RIT2: variants seen among roughly 807,000 people sequenced by gnomAD.
The protein encoded by RIT2 is GTP-binding protein Rit2.
In RIT2, 24 loss-of-function variants were observed where a neutral mutation model predicts 23.7. The observed-to-expected ratio is 1.01, with a 90% confidence interval of 0.73 to 1.43. RIT2 has a LOEUF of 1.43. Among genes scored for constraint, RIT2 ranks in the 40% most tolerant of loss-of-function variants. The probability of loss-of-function intolerance (pLI) is 0.00; values close to 1 mark genes in which losing one functional copy is unlikely to be tolerated. For synonymous variants in RIT2, 107 were observed against 91.1 expected, an observed-to-expected ratio of 1.17 and a Z score of -0.99; for missense variants, 236 against 266.9, an observed-to-expected ratio of 0.88 and a Z score of 0.81.
chr18:42,940,923 A>G (rs750447024), intron 3 of RIT2, among the ~76,000 whole-genome samples: 4 of 152,190 alleles, frequency 2.6e-5, no homozygotes, highest in Admixed American at 6.6e-5. Flanking sequence ...TTGCTGGTCT[A>G]GGAATTTAAA....
chr18:42,839,726 A>G (rs2144021924), intron 4 of RIT2, among the ~76,000 whole-genome samples: 1 of 152,328 alleles, frequency 6.6e-6, no homozygotes, highest in South Asian at 2.1e-4. Flanking sequence ...TCAGAACACC[A>G]TGCAATATTT....
At chr18:42,807,604 C>A (rs1422137216) in intron 4 of RIT2, among the ~76,000 whole-genome samples, 1 of 151,884 alleles carries the variant, frequency 6.6e-6, no homozygotes, top group Non-Finnish European at 1.5e-5. Context: ...GTGGCAAGAG[C>A]GAAACTCCGT....
intron 1 of RIT2, among the ~76,000 whole-genome samples, chr18:43,106,803 C>T (rs992834365): frequency 3.3e-5 from 5 of 152,118 alleles, no homozygotes; most frequent in Non-Finnish European, 7.4e-5. Flanking sequence ...TTATAGTAGG[C>T]AGAAAGGGCA....
chr18:43,018,544 A>G (rs1052413488), intron 2 of RIT2, among the ~76,000 whole-genome samples: 22 of 152,052 alleles, frequency 1.4e-4, no homozygotes, highest in African/African-American at 5.1e-4. Flanking sequence ...CTAGGCACAT[A>G]GAAGGGAACC....
rs115130165 is a variant in RIT2 at position 43,066,328 on chromosome 18, T to C, written c.104-32461A>G. Among the ~76,000 whole-genome samples the C allele has an allele frequency of 3.7e-3, 560 of 152,236 alleles. 3 individuals carry two copies. The highest frequency in any genetic ancestry group is 0.011 in the African/African-American group (475 of 41,568). ...TCACAAAATTTACAAAGAAAATCCA[T>C]AGAAAAATTGCAAACTCTGATAGCA... On this transcript the variant is annotated intron_variant, in intron 1 of 4. Coordinates refer to ENST00000326695, the MANE Select transcript of RIT2 (RefSeq NM_002930.4).
chr18:42,993,636 T>C (rs928951212), intron 2 of RIT2, among the ~76,000 whole-genome samples: 2 of 152,080 alleles, frequency 1.3e-5, no homozygotes, highest in Non-Finnish European at 2.9e-5. Flanking sequence ...AGTTCCCTTA[T>C]CAGGCCAAGA....
At position 43,018,506 on chromosome 18, in the gene RIT2, A is replaced by G. The variant is rs1911524412; in HGVS notation, c.160+15305T>C. ...TGTATCCCCAAATCAAAACAGAGAG[A>G]ATTCATAAAACAGCAAGAGAAAAAT... On this transcript the variant is annotated intron_variant, in intron 2 of 4. Coordinates refer to ENST00000326695, the MANE Select transcript of RIT2 (RefSeq NM_002930.4). Among the ~76,000 whole-genome samples the G allele has an allele frequency of 2.0e-5, 3 of 152,038 alleles. No individual in the cohort carries two copies. In the South Asian group the frequency reaches 6.2e-4, roughly 31 times the overall value.
intron 4 of RIT2, among the ~76,000 whole-genome samples, chr18:42,890,098 G>A (rs565809393): frequency 1.9e-3 from 296 of 151,926 alleles, no homozygotes; most frequent in African/African-American, 6.7e-3. Flanking sequence ...CATCATTTCT[G>A]GCTACCACTG....
intron 1 of RIT2, among the ~76,000 whole-genome samples, chr18:43,104,301 G>T (rs1001912128): frequency 2.0e-5 from 3 of 152,248 alleles, no homozygotes; most frequent in Middle Eastern, 3.4e-3. Context: ...GATGGGGAGA[G>T]TTTGGTTAAC....
chr18:43,104,583 G>A, intron 1 of RIT2, among the ~76,000 whole-genome samples: 1 of 152,136 alleles, frequency 6.6e-6, no homozygotes, highest in African/African-American at 2.4e-5. Context: ...AAAAAAAGAT[G>A]CTGAGGTATT....
chr18:43,024,998 G>A (rs4575618), intron 2 of RIT2, among the ~76,000 whole-genome samples: 7,847 of 151,738 alleles, frequency 0.052, 415 homozygotes, highest in East Asian at 0.25. Context: ...ACTTGAGGTC[G>A]GGAGTTCAAA....
At chr18:43,008,457 A>G (rs1911274458) in intron 2 of RIT2, among the ~76,000 whole-genome samples, 1 of 151,434 alleles carries the variant, frequency 6.6e-6, no homozygotes, top group African/African-American at 2.4e-5. Flanking sequence ...AGAGAGCACA[A>G]AGAGAGCTTT....
chr18:42,839,444 G>A (rs1010994057), intron 4 of RIT2, among the ~76,000 whole-genome samples: 1 of 152,104 alleles, frequency 6.6e-6, no homozygotes, highest in Non-Finnish European at 1.5e-5. Flanking sequence ...TTATATCTTG[G>A]CCTGGGTTGA....
intron 4 of RIT2, among the ~76,000 whole-genome samples, chr18:42,893,922 G>A (rs1309954653): frequency 6.6e-6 from 1 of 152,138 alleles, no homozygotes; most frequent in Non-Finnish European, 1.5e-5. Flanking sequence ...ACACTGAAAT[G>A]TGAATGAGCA....
chr18:43,096,487 T>C (rs1213194474), intron 1 of RIT2, among the ~76,000 whole-genome samples: 1 of 151,870 alleles, frequency 6.6e-6, no homozygotes, highest in Non-Finnish European at 1.5e-5. Context: ...AATATGTATT[T>C]ATATTGCCTG....
At chr18:43,041,134 A>G (rs1307187633) in intron 1 of RIT2, among the ~76,000 whole-genome samples, 1 of 152,160 alleles carries the variant, frequency 6.6e-6, no homozygotes, top group Non-Finnish European at 1.5e-5. Flanking sequence ...AATATCTGGG[A>G]AAAGAAATAA....
At chr18:42,746,961 A>T (rs1912931560) in intron 4 of RIT2, among the ~76,000 whole-genome samples, 1 of 152,060 alleles carries the variant, frequency 6.6e-6, no homozygotes, top group Admixed American at 6.6e-5. Context: ...GAATGGGGAA[A>T]AGTTGAAAGC....
At chr18:42,915,236 GA>G (rs1908877078) in intron 4 of RIT2, among the ~76,000 whole-genome samples, 1 of 151,604 alleles carries the variant, frequency 6.6e-6, no homozygotes, top group South Asian at 2.1e-4. Context: ...GAGTGTTGAG[GA>G]AATTTTCCAC....
chr18:43,066,840 A>T (rs181019066), intron 1 of RIT2, among the ~76,000 whole-genome samples: 1 of 151,886 alleles, frequency 6.6e-6, no homozygotes, highest in Admixed American at 6.6e-5. Flanking sequence ...AGCATGGATC[A>T]ATGTTCCTTT....
Sources: allele counts gnomAD v4.1 joint callset (sites outside exome capture counted in the v4.1 genomes callset), GRCh38; gene constraint gnomAD v4.1.1; transcripts MANE v1.5; gene names NCBI Gene and HGNC (gene_info 2026-07-23, HGNC 2026-07-21).